Variants in STAG2 observed in about 807,000 individuals in gnomAD.
STAG2 encodes the protein STAG2 cohesin complex component.
In STAG2, 14 loss-of-function variants were observed where a neutral mutation model predicts 108.1. That is an observed-to-expected ratio of 0.13 (90% CI 0.09 to 0.20). The LOEUF (loss-of-function observed/expected upper bound fraction) is 0.20. STAG2 is among the 10% of genes least tolerant of loss of function. The pLI is 1.00. For missense variants in STAG2, 440 were observed against 940.9 expected, an observed-to-expected ratio of 0.47 and a Z score of 6.96; for synonymous variants, 307 against 302.7, an observed-to-expected ratio of 1.01 and a Z score of -0.15.
chrX:123,961,407 T>C (rs1476755460), upstream of STAG2: 1 of 103,697 alleles, frequency 9.6e-6, no homozygotes, highest in Non-Finnish European at 2.0e-5. Context: ...TCCGGCAGGC[T>C]CCTAAGCCTA....
chrX:124,051,099 C>CTT lies in STAG2; in HGVS notation c.1018-4_1018-3dup, dbSNP rs747648873. 2,840 of 518,296 alleles carry CTT rather than the reference C, an allele frequency of 5.5e-3. 3 individuals carry two copies. Among genetic ancestry groups the CTT allele is most frequent in the Non-Finnish European group, 6.1e-3 (2,103 of 345,890 alleles). 42.7% of individuals were successfully genotyped at this position (518,296 alleles called of 1,213,427 possible). ...ATAGAGTTTTAATGCATTGTCTCAT[C>CTT]TTTTTTTTTTTTTTTTTTTAGCAAG... On this transcript the variant is annotated intron_variant, in intron 11 of 34. Coordinates refer to ENST00000371145, the MANE Select transcript of STAG2 (RefSeq NM_001042750.2).
At chrX:124,051,523 T>C (rs980858149) in intron 13 of STAG2, 129 bp downstream of exon 13, 16 of 407,638 alleles carry the variant, frequency 3.9e-5, no homozygotes, top group African/African-American at 2.6e-4. Flanking sequence ...CAGCTAGAAG[T>C]TGAATTTCTT....
chrX:124,007,290 T>C (rs781610665), intron 1 of STAG2, among the ~76,000 whole-genome samples: 1 of 111,376 alleles, frequency 9.0e-6, no homozygotes, highest in Non-Finnish European at 1.9e-5. Context: ...GTGCTGGGAT[T>C]ACAAGTGTGA....
chrX:124,009,443 G>GTAGGTAGATAGATAGATAGATAGA (rs1556479689), intron 1 of STAG2, among the ~76,000 whole-genome samples: 1 of 63,607 alleles, frequency 1.6e-5, no homozygotes, highest in African/African-American at 6.1e-5. Flanking sequence ...AGGTAGGTAG[G>GTAGGTAGATAGATAGATAGATAGA]TAGATAGATA....
At chrX:124,072,904 C>CTTTTTT (rs779996801) in intron 25 of STAG2, among the ~76,000 whole-genome samples, 17 of 72,643 alleles carry the variant, frequency 2.3e-4, no homozygotes, top group Non-Finnish European at 3.5e-4. Flanking sequence ...TTCTTTCTTT[C>CTTTTTT]TTTTTTTTTT....
At chrX:123,961,889 T>G (rs999332047) in intron 1 of STAG2, 33 bp downstream of exon 1, 3 of 112,264 alleles carry the variant, frequency 2.7e-5, no homozygotes, top group Admixed American at 9.4e-5. Context: ...TTTTCTAAAT[T>G]GGCTGGGGTC....
intron 1 of STAG2, among the ~76,000 whole-genome samples, chrX:123,982,105 C>A: frequency 9.4e-6 from 1 of 106,648 alleles, no homozygotes; most frequent in African/African-American, 3.4e-5. Flanking sequence ...CTTTGGGAGG[C>A]TAAGGTGGGT....
At chrX:124,055,644 A>G (rs948073337) in intron 13 of STAG2, among the ~76,000 whole-genome samples, 2 of 109,750 alleles carry the variant, frequency 1.8e-5, no homozygotes, top group Admixed American at 1.9e-4. Flanking sequence ...TATTTGGGAA[A>G]ACCACTTGCA....
intron 3 of STAG2, 51 bp downstream of exon 3, chrX:124,022,722 A>C: frequency 1.2e-6 from 1 of 847,574 alleles, no homozygotes; most frequent in Non-Finnish European, 1.7e-6. Context: ...ATTCCACAAA[A>C]TGGGGAATGC....
chrX:123,999,289 C>T (rs1464976106), intron 1 of STAG2, among the ~76,000 whole-genome samples: 1 of 111,230 alleles, frequency 9.0e-6, no homozygotes, highest in Non-Finnish European at 1.9e-5. Flanking sequence ...TTATTTAGCT[C>T]CACCATTTCA....
rs2056756813 is a variant in STAG2, at chrX:124,017,108, TAATATATTATTAATATATGGA to T, written c.-162-4258_-162-4238del. Among the ~76,000 whole-genome samples, 3 of 111,257 alleles carry T rather than the reference TAATATATTATTAATATATGGA, an allele frequency of 2.7e-5. No homozygotes were observed. The South Asian group carries it at 1.1e-3, about 42-fold the overall frequency. On this transcript the variant is annotated intron_variant, in intron 1 of 34. Coordinates refer to ENST00000371145, the MANE Select transcript of STAG2 (RefSeq NM_001042750.2). The stretch of plus-strand genomic sequence containing the variant: ...TGTTCCCCTCCCCTGTGCTCTCCAG[TAATATATTATTAATATATGGA>T]TTCTGGGGAACCTTGTTAGTGATGG...
At chrX:124,014,669 A>T (rs1444157167) in intron 1 of STAG2, among the ~76,000 whole-genome samples, 1 of 111,166 alleles carries the variant, frequency 9.0e-6, no homozygotes, top group Non-Finnish European at 1.9e-5. Flanking sequence ...CCTGTCCTTT[A>T]TATTATTTTT....
chrX:124,100,823 T>G lies in STAG2; in HGVS notation c.*226T>G. On this transcript the variant is annotated 3_prime_UTR_variant, in exon 35 of 35. Transcript: ENST00000371145. Reference sequence around the variant, plus strand: ...ATAAGCTACAGTTTTTCTTAGAAAGTAAATATTTTATTTATGCGCTGTTAG... The same window carrying G: ...ATAAGCTACAGTTTTTCTTAGAAAGGAAATATTTTATTTATGCGCTGTTAG... 3.5e-6 allele frequency: 1 copy of G among 282,688 alleles called. No homozygotes were observed. Among genetic ancestry groups the G allele is most frequent in the Non-Finnish European group, 6.3e-6 (1 of 158,050 alleles). 23.3% of individuals were successfully genotyped at this position (282,688 alleles called of 1,213,427 possible). A position where few individuals can be genotyped will look rare whatever the true frequency, so the allele number is the denominator to read the frequency against.
At chrX:123,970,824 A>G (rs1008204818) in intron 1 of STAG2, among the ~76,000 whole-genome samples, 26 of 112,193 alleles carry the variant, frequency 2.3e-4, no homozygotes, top group East Asian at 1.4e-3. Flanking sequence ...ACTCTTAAAA[A>G]TGCTTTGTGT....
chrX:123,983,056 A>G (rs1443649330), intron 1 of STAG2, among the ~76,000 whole-genome samples: 4 of 111,428 alleles, frequency 3.6e-5, no homozygotes, highest in Non-Finnish European at 7.5e-5. Context: ...GATGTTAAAC[A>G]GTCCGTGCAG....
intron 32 of STAG2, among the ~76,000 whole-genome samples, chrX:124,091,191 T>A (rs994318613): frequency 1.8e-5 from 2 of 111,974 alleles, no homozygotes; most frequent in Admixed American, 1.9e-4. Flanking sequence ...TGGAAAAGTT[T>A]AAATATCAAT....
intron 27 of STAG2, 49 bp from the exon 28 acceptor site, chrX:124,081,331 A>T (rs1045578766): frequency 5.8e-6 from 5 of 864,513 alleles, no homozygotes; most frequent in Non-Finnish European, 8.0e-6. Flanking sequence ...AAAAGATGTT[A>T]ATCTCCAGGT....
chrX:124,062,848 C>T, intron 17 of STAG2, 54 bp from the exon 18 acceptor site: 3 of 951,115 alleles, frequency 3.2e-6, no homozygotes, highest in Non-Finnish European at 4.4e-6. Flanking sequence ...AAAACTTGAA[C>T]ACTTAACAGT....
chrX:124,078,512 AT>A (rs2058858033), intron 27 of STAG2, among the ~76,000 whole-genome samples: 3 of 111,893 alleles, frequency 2.7e-5, no homozygotes, highest in Admixed American at 1.9e-4. Context: ...AACACTTAAA[AT>A]TAGTGTAGAT....
Sources: gnomAD v4.1 joint callset for allele counts (sites outside exome capture counted in the v4.1 genomes callset) on GRCh38, gnomAD v4.1.1 for gene constraint, MANE v1.5 for transcripts, NCBI Gene and HGNC (gene_info 2026-07-23, HGNC 2026-07-21) for gene names.